The following SLC9A9 variants were observed in gnomAD, a reference collection of about 807,000 sequenced individuals.
The protein encoded by SLC9A9 is sodium/hydrogen exchanger 9.
SLC9A9 carries 62 observed loss-of-function variants against 77.8 expected under a neutral mutation model. The ratio of observed to expected loss-of-function variants is 0.80; its 90% confidence interval spans 0.65 to 0.98. The LOEUF (loss-of-function observed/expected upper bound fraction) is 0.98. Among genes scored for constraint, SLC9A9 ranks in the 50% least tolerant of loss-of-function variants. The pLI, the probability that SLC9A9 is intolerant of heterozygous loss-of-function variation, is 0.00. For synonymous variants in SLC9A9, 320 were observed against 283.5 expected (o/e 1.13, Z -1.29); for missense variants, 775 against 774.9 (o/e 1.00, Z 0.00).
chr3:143,291,260 C>A (rs981941947), intron 14 of SLC9A9, among the ~76,000 whole-genome samples: 2 of 152,046 alleles, frequency 1.3e-5, no homozygotes, highest in East Asian at 4.0e-4. Flanking sequence ...TGTCCACTCC[C>A]AGCTGATTTG....
At chr3:143,325,612 C>T (rs1038508007) in intron 14 of SLC9A9, among the ~76,000 whole-genome samples, 4 of 152,184 alleles carry the variant, frequency 2.6e-5, no homozygotes, top group African/African-American at 9.7e-5. Context: ...GAGTGTTGTG[C>T]ATAGGAGAAA....
chr3:143,762,150 T>C (rs890699233), intron 4 of SLC9A9, among the ~76,000 whole-genome samples: 5 of 151,882 alleles, frequency 3.3e-5, no homozygotes, highest in African/African-American at 4.8e-5. Context: ...ATGAGAACAC[T>C]TGGACACAGG....
At chr3:143,559,661 C>G (rs976991931) in intron 8 of SLC9A9, among the ~76,000 whole-genome samples, 1 of 151,968 alleles carries the variant, frequency 6.6e-6, no homozygotes, top group Non-Finnish European at 1.5e-5. Flanking sequence ...ACAAGATAAG[C>G]TTATAGGCTT....
intron 2 of SLC9A9, among the ~76,000 whole-genome samples, chr3:143,829,132 A>G (rs1340297668): frequency 6.6e-6 from 1 of 152,132 alleles, no homozygotes; most frequent in Non-Finnish European, 1.5e-5. Context: ...ATGAGGTTCA[A>G]TTTAATGAGG....
intron 6 of SLC9A9, among the ~76,000 whole-genome samples, chr3:143,650,866 G>A (rs920731779): frequency 6.6e-6 from 1 of 152,200 alleles, no homozygotes; most frequent in Non-Finnish European, 1.5e-5. Context: ...ATGCTCCCAG[G>A]TTGGTGCTCA....
chr3:143,517,332 T>C, intron 9 of SLC9A9: 2 of 1,238,522 alleles, frequency 1.6e-6, no homozygotes, highest in South Asian at 1.2e-5. Context: ...CCCCCTCCCA[T>C]TCCAGGCATT....
intron 14 of SLC9A9, among the ~76,000 whole-genome samples, chr3:143,335,302 T>C (rs557257548): frequency 1.3e-5 from 2 of 152,168 alleles, no homozygotes; most frequent in African/African-American, 4.8e-5. Context: ...AGACATTCCA[T>C]GTTTATGGCT....
At chr3:143,440,437 A>G (rs937754071) in intron 12 of SLC9A9, among the ~76,000 whole-genome samples, 1 of 152,178 alleles carries the variant, frequency 6.6e-6, no homozygotes, top group Admixed American at 6.5e-5. Context: ...AACGTGGTTC[A>G]AGGAGTTTGG....
intron 11 of SLC9A9, among the ~76,000 whole-genome samples, chr3:143,482,839 G>A (rs2035594751): frequency 6.6e-6 from 1 of 152,180 alleles, no homozygotes; most frequent in South Asian, 2.1e-4. Flanking sequence ...ACAGAGTGTT[G>A]CCTTTTTGGT....
At chr3:143,365,210 A>G (rs1400218773) in intron 13 of SLC9A9, among the ~76,000 whole-genome samples, 2 of 152,196 alleles carry the variant, frequency 1.3e-5, no homozygotes, top group South Asian at 2.1e-4. Flanking sequence ...CTTACTTATA[A>G]GTGGAAGCTA....
At chr3:143,576,686 T>C (rs991271479) in intron 7 of SLC9A9, among the ~76,000 whole-genome samples, 1 of 152,190 alleles carries the variant, frequency 6.6e-6, no homozygotes, top group Non-Finnish European at 1.5e-5. Flanking sequence ...GCTGGCTGCA[T>C]GACCTTGGGC....
At chr3:143,782,768 A>C (rs913096543) in intron 4 of SLC9A9, among the ~76,000 whole-genome samples, 1 of 152,250 alleles carries the variant, frequency 6.6e-6, no homozygotes, top group Non-Finnish European at 1.5e-5. Flanking sequence ...ATTAAAAGTT[A>C]TTGATTAAAA....
chr3:143,812,051 C>T (rs1393440338), intron 2 of SLC9A9, among the ~76,000 whole-genome samples: 3 of 152,064 alleles, frequency 2.0e-5, no homozygotes, highest in African/African-American at 7.2e-5. Flanking sequence ...GAGGATACAA[C>T]CAAGATTGTG....
chr3:143,411,773 G>A (rs945414042), intron 12 of SLC9A9, among the ~76,000 whole-genome samples: 1 of 152,070 alleles, frequency 6.6e-6, no homozygotes, highest in African/African-American at 2.4e-5. Flanking sequence ...TAAGCTGGTT[G>A]CAATTTTTAA....
At chr3:143,436,073 C>T (rs1186299127) in intron 12 of SLC9A9, among the ~76,000 whole-genome samples, 2 of 152,200 alleles carry the variant, frequency 1.3e-5, no homozygotes, top group African/African-American at 4.8e-5. Context: ...TCAGGCCTTT[C>T]CTTCTGCCCT....
At chr3:143,393,488 A>G (rs1460688442) in intron 12 of SLC9A9, among the ~76,000 whole-genome samples, 1 of 152,248 alleles carries the variant, frequency 6.6e-6, no homozygotes, top group Non-Finnish European at 1.5e-5. Context: ...AATGCCTACA[A>G]GAAAAAGGAG....
intron 14 of SLC9A9, among the ~76,000 whole-genome samples, chr3:143,321,218 AC>A (rs1401462641): frequency 1.3e-5 from 2 of 152,168 alleles, no homozygotes; most frequent in Non-Finnish European, 2.9e-5. Context: ...CTAACAAGAA[AC>A]CCTTTGGGGA....
chr3:143,507,511 C>G (rs943478301), intron 9 of SLC9A9, among the ~76,000 whole-genome samples: 9 of 152,242 alleles, frequency 5.9e-5, no homozygotes, highest in South Asian at 2.1e-4. Context: ...CTGGCCCAGC[C>G]TCTCTCATTA....
chr3:143,578,548 T>C, intron 7 of SLC9A9, 37 bp downstream of exon 7: 1 of 1,613,500 alleles, frequency 6.2e-7, no homozygotes, highest in Admixed American at 1.7e-5. Context: ...TGACTGTTCT[T>C]GACAGTCCCA....
Sources: gnomAD v4.1 joint callset for allele counts (sites outside exome capture counted in the v4.1 genomes callset) on GRCh38, gnomAD v4.1.1 for gene constraint, MANE v1.5 for transcripts, NCBI Gene and HGNC (gene_info 2026-07-23, HGNC 2026-07-21) for gene names.